The following LINGO2 variants were observed in gnomAD, a reference collection of about 807,000 sequenced individuals.
LINGO2 encodes leucine-rich repeat and immunoglobulin-like domain-containing nogo receptor-interacting protein 2.
In LINGO2, 14 loss-of-function variants were observed where a neutral mutation model predicts 30.6. The observed-to-expected ratio is 0.46, with a 90% CI of 0.30 to 0.72. The LOEUF (loss-of-function observed/expected upper bound fraction) is 0.72. Among genes scored for constraint, LINGO2 ranks in the 30% least tolerant of loss-of-function variants. The pLI, the probability that LINGO2 is intolerant of heterozygous loss-of-function variation, is 0.07. For missense variants in LINGO2, 729 were observed against 751.7 expected, an observed-to-expected ratio of 0.97 and a Z score of 0.35; for synonymous variants, 317 against 288.5, an observed-to-expected ratio of 1.10 and a Z score of -1.00.
chr9:28,829,807 T>A, the LINGO2 span, among the ~76,000 whole-genome samples: 1 of 151,834 alleles, frequency 6.6e-6, no homozygotes, highest in African/African-American at 2.4e-5. Flanking sequence ...GGAGAGTCGC[T>A]TGAATTCAGG....
chr9:28,523,633 C>T (rs1341353778), intron 1 of LINGO2, among the ~76,000 whole-genome samples: 1 of 152,096 alleles, frequency 6.6e-6, no homozygotes, highest in Non-Finnish European at 1.5e-5. Flanking sequence ...CATATACACA[C>T]ATTAGCAATG....
intron 1 of LINGO2, among the ~76,000 whole-genome samples, chr9:28,528,271 G>T (rs1004242405): frequency 2.7e-4 from 41 of 152,282 alleles, no homozygotes; most frequent in African/African-American, 8.9e-4. Flanking sequence ...ATGATAAGTT[G>T]CAGCATAAAG....
chr9:28,606,562 G>C (rs1379665037), intron 1 of LINGO2, among the ~76,000 whole-genome samples: 1 of 151,988 alleles, frequency 6.6e-6, no homozygotes, highest in Admixed American at 6.6e-5. Flanking sequence ...TTCTCATTTT[G>C]TTTGAAGGAA....
intron 4 of LINGO2, among the ~76,000 whole-genome samples, chr9:28,083,515 G>A (rs916986965): frequency 2.6e-5 from 4 of 152,130 alleles, no homozygotes; most frequent in African/African-American, 9.7e-5. Flanking sequence ...ACATTTTACA[G>A]TTTCCTCTGT....
At chr9:28,066,562 C>G (rs1212388145) in intron 4 of LINGO2, among the ~76,000 whole-genome samples, 1 of 152,056 alleles carries the variant, frequency 6.6e-6, no homozygotes, top group Non-Finnish European at 1.5e-5. Flanking sequence ...TGAACCAGCT[C>G]TCTTTCCACA....
chr9:28,979,489 T>A, the LINGO2 span, among the ~76,000 whole-genome samples: 2 of 135,910 alleles, frequency 1.5e-5, no homozygotes, highest in African/African-American at 5.3e-5. Flanking sequence ...ATGTTTTGTA[T>A]ACATATATTT....
rs1471744192 is a variant in LINGO2, at chr9:28,517,779, A to G, written c.-364-41754T>C. The stretch of plus-strand genomic sequence containing the variant: ...AGGGCTGCTTGAAGCATATTTTCAC[A>G]CTGCGGAAATGTTTACTCTACCCAG... On this transcript the variant is annotated intron_variant, in intron 1 of 5. Coordinates refer to ENST00000379992, the Ensembl canonical transcript of LINGO2. Among the ~76,000 whole-genome samples, 4 of 152,152 alleles carry G rather than the reference A, an allele frequency of 2.6e-5. No homozygotes were observed. In the East Asian group the frequency reaches 5.8e-4, roughly 22 times the overall value.
At chr9:28,272,644 T>C (rs1822981477) in intron 4 of LINGO2, among the ~76,000 whole-genome samples, 1 of 152,114 alleles carries the variant, frequency 6.6e-6, no homozygotes, top group African/African-American at 2.4e-5. Context: ...CCTTTTTTAA[T>C]TCCCTTTATT....
chr9:28,085,959 T>A (rs1825901510), intron 4 of LINGO2, among the ~76,000 whole-genome samples: 1 of 152,062 alleles, frequency 6.6e-6, no homozygotes, highest in African/African-American at 2.4e-5. Flanking sequence ...AAGTAAGGTT[T>A]CACTTACACG....
In LINGO2 at chr9:28,496,673, T is replaced by C. The variant is rs1359378407; in HGVS notation, c.-364-20648A>G. ...GTCCATTTACATTTAAAGTTAATATTGTTATGTGTGAATTTGATCCTGTCA... is the reference window on the plus strand; with the variant it reads ...GTCCATTTACATTTAAAGTTAATATCGTTATGTGTGAATTTGATCCTGTCA... On this transcript the variant is annotated intron_variant, in intron 1 of 5. Transcript: ENST00000379992. Among the ~76,000 whole-genome samples the C allele has an allele frequency of 3.9e-5, 6 of 152,276 alleles. No homozygotes were observed. The South Asian group carries it at 8.3e-4, about 21-fold the overall frequency.
At chr9:28,872,361 TAAC>T in the LINGO2 span, among the ~76,000 whole-genome samples, 1 of 152,022 alleles carries the variant, frequency 6.6e-6, no homozygotes, top group Non-Finnish European at 1.5e-5. Context: ...CTTATTATAT[TAAC>T]AACAGTGGAA....
chr9:28,935,412 A>G, the LINGO2 span, among the ~76,000 whole-genome samples: 1 of 152,068 alleles, frequency 6.6e-6, no homozygotes, highest in Non-Finnish European at 1.5e-5. Flanking sequence ...TGGCTGTCCT[A>G]TAGTTAAGAT....
the LINGO2 span, among the ~76,000 whole-genome samples, chr9:28,800,645 G>A: frequency 2.0e-5 from 3 of 151,998 alleles, no homozygotes; most frequent in Non-Finnish European, 4.4e-5. Flanking sequence ...AATTTGGGAG[G>A]AGAAGTTAAC....
At chr9:28,481,135 A>T (rs560199162) in intron 1 of LINGO2, among the ~76,000 whole-genome samples, 1 of 152,268 alleles carries the variant, frequency 6.6e-6, no homozygotes, top group East Asian at 1.9e-4. Context: ...AAGTCTTCAA[A>T]TGTCTTTGAT....
intron 4 of LINGO2, among the ~76,000 whole-genome samples, chr9:28,168,206 T>A (rs922805061): frequency 5.9e-5 from 9 of 152,202 alleles, no homozygotes; most frequent in Admixed American, 3.3e-4. Flanking sequence ...TAAAGCCAGA[T>A]CTACTCCCGG....
intron 4 of LINGO2, among the ~76,000 whole-genome samples, chr9:28,035,963 C>CA (rs1823915502): frequency 6.6e-6 from 1 of 152,036 alleles, no homozygotes; most frequent in South Asian, 2.1e-4. Context: ...ATGATGTGGT[C>CA]ATTCAATATC....
At chr9:29,168,531 C>T in the LINGO2 span, among the ~76,000 whole-genome samples, 1 of 152,138 alleles carries the variant, frequency 6.6e-6, no homozygotes, top group African/African-American at 2.4e-5. Context: ...ATGAAGTATT[C>T]TGGAAAATAT....
chr9:28,054,876 T>C (rs534308972), intron 4 of LINGO2, among the ~76,000 whole-genome samples: 3 of 152,242 alleles, frequency 2.0e-5, no homozygotes, highest in African/African-American at 7.2e-5. Context: ...ATGGAGCCTT[T>C]TCAAATATCC....
At chr9:27,967,173 A>G (rs1820141486) in intron 5 of LINGO2, among the ~76,000 whole-genome samples, 1 of 152,166 alleles carries the variant, frequency 6.6e-6, no homozygotes, top group African/African-American at 2.4e-5. Flanking sequence ...ATAAATTTCT[A>G]CCAGCTTCTG....
Sources: allele counts gnomAD v4.1 joint callset (sites outside exome capture counted in the v4.1 genomes callset), GRCh38; gene constraint gnomAD v4.1.1; transcripts MANE v1.5; gene names NCBI Gene and HGNC (gene_info 2026-07-23, HGNC 2026-07-21).